The following MYH10 variants were observed in gnomAD, a reference collection of about 807,000 sequenced individuals.
MYH10 encodes myosin-10.
Under a neutral mutation model 257.8 loss-of-function variants are expected in MYH10, and 55 were observed. The observed-to-expected ratio is 0.21, with a 90% confidence interval of 0.17 to 0.27. MYH10 has a LOEUF of 0.27. MYH10 is among the 10% of genes least tolerant of loss of function. The pLI is 1.00. For synonymous variants in MYH10, 854 were observed against 921.7 expected, an observed-to-expected ratio of 0.93 and a Z score of 1.33; for missense variants, 1,631 against 2,500.6, an observed-to-expected ratio of 0.65 and a Z score of 7.42.
intron 36 of MYH10, among the ~76,000 whole-genome samples, 186 bp from the exon 37 acceptor site, chr17:8,484,452 A>AT (rs982870554): frequency 2.0e-5 from 3 of 152,010 alleles, no homozygotes; most frequent in Non-Finnish European, 2.9e-5. Flanking sequence ...TAAACATGGT[A>AT]TTTTTTTTCT....
chr17:8,526,262 T>C (rs1467709211), intron 17 of MYH10, among the ~76,000 whole-genome samples: 1 of 152,222 alleles, frequency 6.6e-6, no homozygotes, highest in Admixed American at 6.5e-5. Context: ...AGTATTTTCT[T>C]GTTGATCAAA....
chr17:8,475,670 G>A lies in MYH10; in HGVS notation c.*134C>T. On this transcript the variant is annotated 3_prime_UTR_variant, in exon 43 of 43. Transcript: ENST00000360416. ...TCTGAAGCAGGATACAGTATGCATA[G>A]GCTGGAGAGCCTTAAGACACAGTTG... 9.5e-7 allele frequency: 1 copy of A among 1,052,094 alleles called. No individual in the cohort carries two copies. 65.2% of individuals were successfully genotyped at this position (1,052,094 alleles called of 1,614,324 possible). A position where few individuals can be genotyped will look rare whatever the true frequency, so the allele number is the denominator to read the frequency against.
chr17:8,619,259 T>A (rs1489953546), intron 2 of MYH10, among the ~76,000 whole-genome samples: 6 of 152,186 alleles, frequency 3.9e-5, no homozygotes, highest in African/African-American at 1.2e-4. Context: ...GCATTTTTTT[T>A]AAACTGCCAA....
Position 8,518,025 on chromosome 17 carries a change from C to CGTGTGTGTGT in MYH10, c.2504+596_2504+605dup, listed in dbSNP as rs34409328. ...AGCAGGACCCCATACCCCTTGGCCCCGTGTGTGTGTGTGTGTGTGTGTGTG... is the reference window on the plus strand; with the variant it reads ...AGCAGGACCCCATACCCCTTGGCCCCGTGTGTGTGTGTGTGTGTGTGTGTGTGTGTGTGTG... On this transcript the variant is annotated intron_variant, in intron 21 of 42. Transcript: ENST00000360416. Among the ~76,000 whole-genome samples, 248 of 123,688 alleles carry CGTGTGTGTGT rather than the reference C, an allele frequency of 2.0e-3. 21 individuals carry two copies. Among genetic ancestry groups the CGTGTGTGTGT allele is most frequent in the East Asian group, 5.4e-3 (22 of 4,074 alleles). The allele number at this position is 123,688 out of a possible 152,430, so 81.1% of individuals were successfully genotyped here. A position where few individuals can be genotyped will look rare whatever the true frequency, so the allele number is the denominator to read the frequency against.
intron 1 of MYH10, among the ~76,000 whole-genome samples, chr17:8,629,549 G>T (rs916328390): frequency 7.2e-5 from 11 of 151,956 alleles, no homozygotes; most frequent in African/African-American, 7.3e-5. Context: ...TCCCAGGGCC[G>T]CATCCGCCCA....
intron 2 of MYH10, among the ~76,000 whole-genome samples, chr17:8,621,338 T>C (rs550030702): frequency 6.6e-6 from 1 of 152,168 alleles, no homozygotes; most frequent in South Asian, 2.1e-4. Context: ...TTCTGAAAAC[T>C]TCCAGGCCTT....
At position 8,535,590 on chromosome 17, in the gene MYH10, T is replaced by G. The variant is rs1749476765; in HGVS notation, c.1780-89A>C. 1.5e-6 allele frequency: 2 copies of G among 1,315,728 alleles called. No homozygotes were observed. The highest frequency in any genetic ancestry group is 2.1e-6 in the Non-Finnish European group (2 of 940,936). 81.5% of individuals were successfully genotyped at this position (1,315,728 alleles called of 1,614,324 possible). ...ACACTTTAAGCCTCAACCAGAAACT[T>G]TTATACAACAGTCCCCAAAATGGGC... On this transcript the variant is annotated intron_variant, in intron 15 of 42. Transcript: ENST00000360416. The surrounding 1 kb of genome is among the most constrained non-coding windows in gnomAD (Gnocchi z 4.3).
At chr17:8,498,173 ACAGGGTTTCGC>A (rs1251928949) in intron 30 of MYH10, among the ~76,000 whole-genome samples, 4 of 151,664 alleles carry the variant, frequency 2.6e-5, no homozygotes, top group Admixed American at 2.6e-4. Context: ...TTTAGAAGAG[ACAGGGTTTCGC>A]CATGTTGGCC....
At chr17:8,562,465 A>C (rs1172000466) in intron 7 of MYH10, among the ~76,000 whole-genome samples, 4 of 152,228 alleles carry the variant, frequency 2.6e-5, no homozygotes, top group African/African-American at 7.2e-5. Flanking sequence ...ATCTAGACTA[A>C]ATTGGAAAAT....
chr17:8,569,926 C>T lies in MYH10; in HGVS notation c.664-114G>A. The T allele has an allele frequency of 1.4e-6, 1 of 738,356 alleles. No individual in the cohort carries two copies. Among genetic ancestry groups the T allele is most frequent in the Non-Finnish European group, 2.1e-6 (1 of 476,384 alleles). 45.7% of individuals were successfully genotyped at this position (738,356 alleles called of 1,614,324 possible). ...AAGAAACTGCATCTTTTCCTCAGTT[C>T]TTTCATTCTGTCTGCCATCCAGCAA... On this transcript the variant is annotated intron_variant, in intron 6 of 42. Coordinates refer to ENST00000360416, the MANE Select transcript of MYH10 (RefSeq NM_001256012.3). This position sits in a 1 kb window ranked among gnomAD's most constrained non-coding sequence, Gnocchi z 4.1.
chr17:8,486,693 T>C (rs965821991), intron 36 of MYH10, among the ~76,000 whole-genome samples: 7 of 150,190 alleles, frequency 4.7e-5, no homozygotes, highest in Non-Finnish European at 1.0e-4. Flanking sequence ...TACACACACA[T>C]GTGTAGAGTT....
chr17:8,570,234 C>T (rs1222079125), intron 6 of MYH10, among the ~76,000 whole-genome samples: 4 of 152,204 alleles, frequency 2.6e-5, no homozygotes, highest in South Asian at 2.1e-4. Flanking sequence ...ACAGTTACCA[C>T]TGTATTGATG....
intron 42 of MYH10, among the ~76,000 whole-genome samples, chr17:8,476,473 C>T (rs757924859): frequency 3.9e-5 from 6 of 152,208 alleles, no homozygotes; most frequent in Non-Finnish European, 8.8e-5. Flanking sequence ...CACGCTCTGC[C>T]CTCTCACTGG....
At position 8,499,454 on chromosome 17, in the gene MYH10, T is replaced by G; in HGVS notation, c.3767A>C (p.Asn1256Thr). 6.2e-7 allele frequency: 1 copy of G among 1,614,184 alleles called. No homozygotes were observed. Among genetic ancestry groups the G allele is most frequent in the Non-Finnish European group, 8.5e-7 (1 of 1,180,032 alleles). Residue 1256 changes from asparagine (N) to threonine (T), a missense_variant, in exon 30 of 43, where the codon AAC becomes ACC. Around this residue, in one of 11 missense-constraint regions of MYH10, gnomAD observed 463 missense variants for 621.8 expected, o/e 0.74. Transcript: ENST00000360416. ...AKRFKANLEK[N>T]KQGLETDNKE... ...GTTATCTGTCTCCAGGCCCTGCTTGTTCTTCTCTAGATTTGCTTTGAACTA... is the reference window on the plus strand; with the variant it reads ...GTTATCTGTCTCCAGGCCCTGCTTGGTCTTCTCTAGATTTGCTTTGAACTA...
Position 8,513,839 on chromosome 17 carries a change from A to T in MYH10, c.2560T>A (p.Cys854Ser), listed in dbSNP as rs1431391413. 1.2e-6 allele frequency: 2 copies of T among 1,614,126 alleles called. No homozygotes were observed. The highest frequency in any genetic ancestry group is 2.2e-5 in the East Asian group (1 of 44,906). The change falls in exon 22 of 43, where the codon TGT (cysteine) becomes AGT (serine). Residue 854 changes from cysteine to serine, a missense_variant. Cys to Ser is a moderately radical substitution (Grantham distance 112). Transcript: ENST00000360416. ...TGCCGTAATTTCAGGTACGCGGCACAGTTCCGCTGCAAGACCTTTAAGGCA... is the reference window on the plus strand; with the variant it reads ...TGCCGTAATTTCAGGTACGCGGCACTGTTCCGCTGCAAGACCTTTAAGGCA... ...LSALKVLQRNCAAYLKLRHWQ... is the reference protein window; with the variant it reads ...LSALKVLQRNSAAYLKLRHWQ...
At chr17:8,586,087 C>A (rs936600050) in intron 4 of MYH10, among the ~76,000 whole-genome samples, 1 of 152,098 alleles carries the variant, frequency 6.6e-6, no homozygotes, top group Non-Finnish European at 1.5e-5. Flanking sequence ...AGGGAGGTTC[C>A]CAGATTGAGA....
chr17:8,627,107 A>G (rs574170747), intron 1 of MYH10, among the ~76,000 whole-genome samples: 109 of 152,058 alleles, frequency 7.2e-4, no homozygotes, highest in African/African-American at 2.6e-3. Context: ...CATGTTCCCA[A>G]TTTTGTGGGG....
intron 1 of MYH10, among the ~76,000 whole-genome samples, chr17:8,626,932 CAAAT>C (rs1344741128): frequency 3.3e-5 from 5 of 152,102 alleles, no homozygotes; most frequent in Non-Finnish European, 5.9e-5. Flanking sequence ...AATAATTTAA[CAAAT>C]AACTTCTAGA....
At chr17:8,518,551 T>G (rs1165596069) in intron 21 of MYH10, 80 bp downstream of exon 21, 3 of 1,459,670 alleles carry the variant, frequency 2.1e-6, no homozygotes, top group African/African-American at 1.4e-5. Flanking sequence ...CACACACTCT[T>G]GCACCCCAGG....
Sources: gnomAD v4.1 joint callset for allele counts (sites outside exome capture counted in the v4.1 genomes callset) on GRCh38, gnomAD v4.1.1 for gene constraint, gnomAD v4.1.1 regional missense constraint, Gnocchi (gnomAD v3.1) non-coding constraint, MANE v1.5 for transcripts, NCBI Gene and HGNC (gene_info 2026-07-23, HGNC 2026-07-21) for gene names.